RBFOX1: variants seen among roughly 807,000 people sequenced by gnomAD.
RBFOX1 encodes RNA binding fox-1 homolog 1, also known as RNA binding protein fox-1 homolog 1.
Under a neutral mutation model 57.7 loss-of-function variants are expected in RBFOX1, and 8 were observed. That is an observed-to-expected ratio of 0.14 (90% CI 0.08 to 0.25). The LOEUF is 0.25. Ranked by LOEUF, RBFOX1 falls within the 10% of genes least tolerant of loss-of-function variation. The pLI is 1.00. For missense variants in RBFOX1, 611 were observed against 548.5 expected (o/e 1.11, Z -1.14); for synonymous variants, 326 against 222.4 (o/e 1.47, Z -4.15).
chr16:5,709,144 T>G (rs1016438321), intron 3 of RBFOX1, among the ~76,000 whole-genome samples: 7 of 152,194 alleles, frequency 4.6e-5, no homozygotes, highest in Admixed American at 3.3e-4. Context: ...AAAACAGTCT[T>G]GATGAATACA....
At chr16:5,924,264 C>T (rs1440274835) in intron 4 of RBFOX1, among the ~76,000 whole-genome samples, 3 of 152,244 alleles carry the variant, frequency 2.0e-5, no homozygotes, top group Non-Finnish European at 2.9e-5. Flanking sequence ...GGTATTTCTT[C>T]ATAGCAGAGT....
chr16:6,497,856 C>T (rs1180345218), intron 2 of RBFOX1, among the ~76,000 whole-genome samples: 3 of 151,984 alleles, frequency 2.0e-5, no homozygotes, highest in East Asian at 1.9e-4. Context: ...CACTCCCGGC[C>T]CTATTTTATA....
chr16:5,244,357 T>G (rs2062242520), intron 1 of RBFOX1, among the ~76,000 whole-genome samples: 1 of 152,200 alleles, frequency 6.6e-6, no homozygotes. Context: ...GCATCTTGGC[T>G]TTCTGCACAA....
intron 1 of RBFOX1, among the ~76,000 whole-genome samples, chr16:6,177,248 C>G (rs1234929416): frequency 1.3e-5 from 2 of 151,248 alleles, no homozygotes; most frequent in African/African-American, 2.4e-5. Flanking sequence ...CACCATCCCA[C>G]TCATACACTG....
At chr16:6,211,102 T>G (rs2097293974) in intron 1 of RBFOX1, among the ~76,000 whole-genome samples, 1 of 136,364 alleles carries the variant, frequency 7.3e-6, no homozygotes, top group Non-Finnish European at 1.7e-5. Context: ...AGACCCTTAC[T>G]CCAGGGGATG....
chr16:7,188,005 A>C (rs933194210), intron 4 of RBFOX1, among the ~76,000 whole-genome samples: 1 of 152,216 alleles, frequency 6.6e-6, no homozygotes, highest in African/African-American at 2.4e-5. Context: ...TGTGCTAGCC[A>C]TAGTTATCTC....
intron 3 of RBFOX1, among the ~76,000 whole-genome samples, chr16:6,805,862 T>A (rs2086648946): frequency 6.6e-6 from 1 of 152,188 alleles, no homozygotes; most frequent in African/African-American, 2.4e-5. Context: ...CAGTCACACT[T>A]GGCTCTTTCC....
chr16:7,628,917 A>T (rs1376451566), intron 10 of RBFOX1, among the ~76,000 whole-genome samples: 1 of 152,156 alleles, frequency 6.6e-6, no homozygotes, highest in Non-Finnish European at 1.5e-5. Flanking sequence ...CTGGCCGATA[A>T]ACTGTTTTTA....
At position 6,608,461 on chromosome 16, in the gene RBFOX1, A is replaced by G. The variant is rs550427862; in HGVS notation, c.-63-46142A>G. On this transcript the variant is annotated intron_variant, in intron 2 of 15. Coordinates refer to ENST00000550418, the MANE Select transcript of RBFOX1 (RefSeq NM_018723.4). ...TCACCCTTATTCGTTTCCTGTTACT[A>G]TTTCCCAAATTGTCACAAGCTTAGT... is the stretch of plus-strand genomic sequence containing the variant. 1.2e-4 allele frequency among the ~76,000 whole-genome samples: 19 copies of G among 152,272 alleles called. No individual in the cohort carries two copies. The South Asian group carries it at 3.1e-3, about 25-fold the overall frequency.
At chr16:5,836,764 G>A (rs1298357261) in intron 3 of RBFOX1, among the ~76,000 whole-genome samples, 1 of 152,174 alleles carries the variant, frequency 6.6e-6, no homozygotes, top group Non-Finnish European at 1.5e-5. Flanking sequence ...CTCACGCCCA[G>A]TTGTGACAAC....
chr16:5,616,252 C>G (rs997991834), intron 3 of RBFOX1: 2 of 152,384 alleles, frequency 1.3e-5, no homozygotes, highest in African/African-American at 4.8e-5. Flanking sequence ...CCCTCTGCCT[C>G]CCGCGGCTGG....
intron 4 of RBFOX1, among the ~76,000 whole-genome samples, chr16:7,487,987 C>T (rs896954681): frequency 6.6e-6 from 1 of 152,084 alleles, no homozygotes; most frequent in South Asian, 2.1e-4. Flanking sequence ...CTAATTAACT[C>T]TGGAGCGTAG....
chr16:7,670,592 T>G (rs1597717257), intron 13 of RBFOX1, among the ~76,000 whole-genome samples: 1 of 151,690 alleles, frequency 6.6e-6, no homozygotes, highest in Non-Finnish European at 1.5e-5. Flanking sequence ...AAGTAAGCAG[T>G]GAACTAGGAG....
chr16:6,818,783 C>G (rs1329896145), intron 3 of RBFOX1, among the ~76,000 whole-genome samples: 2 of 152,168 alleles, frequency 1.3e-5, no homozygotes, highest in East Asian at 1.9e-4. Context: ...GGCCTGGCCA[C>G]TGATGCCATT....
intron 4 of RBFOX1, among the ~76,000 whole-genome samples, chr16:5,923,525 C>T (rs1489891958): frequency 6.8e-6 from 1 of 146,672 alleles, no homozygotes; most frequent in Non-Finnish European, 1.5e-5. Context: ...GTCTCCAGAG[C>T]CAGGCTTTTT....
intron 1 of RBFOX1, among the ~76,000 whole-genome samples, chr16:5,322,582 T>A (rs894327958): frequency 2.0e-5 from 3 of 152,166 alleles, no homozygotes; most frequent in African/African-American, 7.2e-5. Context: ...GGTGTGAGAA[T>A]CCTCTTGCTC....
chr16:7,097,847 G>C (rs182702198), intron 4 of RBFOX1, among the ~76,000 whole-genome samples: 1 of 152,334 alleles, frequency 6.6e-6, no homozygotes, highest in East Asian at 1.9e-4. Context: ...GTTTCCTGCT[G>C]AGTTAGGGAG....
At chr16:7,710,500 G>C (rs2083841979) in intron 15 of RBFOX1, 123 bp from the exon 16 acceptor site, 4 of 1,565,066 alleles carry the variant, frequency 2.6e-6, no homozygotes, top group South Asian at 1.2e-5. Flanking sequence ...ACCTGGGATG[G>C]GTAGGGGGTG....
chr16:5,910,542 C>T (rs1829122056), intron 4 of RBFOX1, among the ~76,000 whole-genome samples: 2 of 150,504 alleles, frequency 1.3e-5, no homozygotes, highest in Admixed American at 1.3e-4. Flanking sequence ...GATTTAGGAG[C>T]CCTTTTGGTT....
Sources: allele counts gnomAD v4.1 joint callset (sites outside exome capture counted in the v4.1 genomes callset), GRCh38; gene constraint gnomAD v4.1.1; transcripts MANE v1.5; gene names NCBI Gene and HGNC (gene_info 2026-07-23, HGNC 2026-07-21).